Variants in CPNE4 observed in about 807,000 individuals in gnomAD.
CPNE4 encodes copine-4.
In CPNE4, 25 loss-of-function variants were observed where a neutral mutation model predicts 67.9. That is an observed-to-expected ratio of 0.37 (90% CI 0.27 to 0.51). The LOEUF is 0.51. Among genes scored for constraint, CPNE4 ranks in the 20% least tolerant of loss-of-function variants. The probability of loss-of-function intolerance (pLI) is 0.93; values close to 1 mark genes in which losing one functional copy is unlikely to be tolerated. For missense variants in CPNE4, 464 were observed against 690.8 expected (o/e 0.67, Z 3.68); for synonymous variants, 242 against 244.9 (o/e 0.99, Z 0.11).
At chr3:131,670,751 G>T (rs2080389598) in intron 6 of CPNE4, among the ~76,000 whole-genome samples, 1 of 152,114 alleles carries the variant, frequency 6.6e-6, no homozygotes, top group African/African-American at 2.4e-5. Context: ...AAGTTAAATG[G>T]AATTCTGTCA....
At position 131,620,113 on chromosome 3, in the gene CPNE4, C is replaced by T. The variant is rs959374775; in HGVS notation, c.682-32531G>A. Among the ~76,000 whole-genome samples, 3 of 152,158 alleles carry T rather than the reference C, an allele frequency of 2.0e-5. No homozygotes were observed. The East Asian group carries it at 5.8e-4, about 29-fold the overall frequency. The stretch of plus-strand genomic sequence containing the variant: ...CATCCCAGGAGAGTTTTAGCCAGGA[C>T]ACAGCAGCATGCTAGTGTGCTGCTC... On this transcript the variant is annotated intron_variant, in intron 7 of 15. Transcript: ENST00000429747.
At chr3:131,751,983 C>T (rs2082640935) in intron 2 of CPNE4, among the ~76,000 whole-genome samples, 1 of 152,030 alleles carries the variant, frequency 6.6e-6, no homozygotes, top group African/African-American at 2.4e-5. Context: ...TAGGGATGGC[C>T]TCATTACTAC....
chr3:132,027,022 A>T (rs989928066), intron 1 of CPNE4, among the ~76,000 whole-genome samples: 2 of 152,246 alleles, frequency 1.3e-5, no homozygotes, highest in African/African-American at 4.8e-5. Flanking sequence ...ACTGCATTGC[A>T]ACCCTGTGAT....
At chr3:131,872,714 C>G (rs1361758270) in intron 2 of CPNE4, among the ~76,000 whole-genome samples, 1 of 152,136 alleles carries the variant, frequency 6.6e-6, no homozygotes, top group South Asian at 2.1e-4. Context: ...CTGTCTCTCT[C>G]TTTATCTCTC....
At position 131,722,517 on chromosome 3, in the gene CPNE4, CT is replaced by C. The variant is rs1332832517; in HGVS notation, c.360+928del. Among the ~76,000 whole-genome samples, 3 of 146,498 alleles carry C rather than the reference CT, an allele frequency of 2.0e-5. No individual in the cohort carries two copies. In the East Asian group the frequency reaches 6.5e-4, roughly 32 times the overall value. ...TACTTGGAAGTCTCCCCTCCTCTTT[CT>C]TCTGCAATCCCTAGATAATGTTTTT... On this transcript the variant is annotated intron_variant, in intron 3 of 15. Coordinates refer to ENST00000429747, the MANE Select transcript of CPNE4 (RefSeq NM_130808.3).
intron 7 of CPNE4, among the ~76,000 whole-genome samples, chr3:131,639,459 G>A (rs576649465): frequency 2.4e-4 from 37 of 152,144 alleles, no homozygotes; most frequent in African/African-American, 7.9e-4. Context: ...GATTAAACCC[G>A]GATGACATAG....
At chr3:131,877,274 A>G (rs1476342191) in intron 2 of CPNE4, among the ~76,000 whole-genome samples, 1 of 152,140 alleles carries the variant, frequency 6.6e-6, no homozygotes, top group Admixed American at 6.5e-5. Context: ...ATGTCGATAC[A>G]TTTGGCAATT....
In CPNE4 at chr3:131,542,704, G is replaced by C; in HGVS notation, c.1392C>G (p.Pro464=). The part of the protein sequence containing the change: ...REAIVHASHL[P]MSVIIVGVGN... ...CTACTCCCACGATGATGACTGACAT[G>C]GGGAGGTGGGAGGCATGGACAATGG... The change falls in exon 15 of 16, where the codon CCC becomes CCG. Residue 464 remains proline (P), a synonymous_variant. Coordinates refer to ENST00000429747, the MANE Select transcript of CPNE4 (RefSeq NM_130808.3). 6.2e-7 allele frequency: 1 copy of C among 1,613,940 alleles called. No individual in the cohort carries two copies. The highest frequency in any genetic ancestry group is 8.5e-7 in the Non-Finnish European group (1 of 1,179,848).
At chr3:132,010,640 A>G (rs1184732095) in intron 1 of CPNE4, among the ~76,000 whole-genome samples, 1 of 152,096 alleles carries the variant, frequency 6.6e-6, no homozygotes, top group African/African-American at 2.4e-5. Flanking sequence ...CAGGGAGAAA[A>G]GATTGTCGAT....
At chr3:131,902,270 G>A (rs1309859567) in intron 2 of CPNE4, among the ~76,000 whole-genome samples, 1 of 152,058 alleles carries the variant, frequency 6.6e-6, no homozygotes, top group East Asian at 1.9e-4. Flanking sequence ...TGTGGCACAA[G>A]GTTCTTATCA....
chr3:131,637,443 T>A (rs2079418414), intron 7 of CPNE4, among the ~76,000 whole-genome samples: 1 of 152,044 alleles, frequency 6.6e-6, no homozygotes, highest in South Asian at 2.1e-4. Context: ...AAGGAAGAAT[T>A]TCAGAGCTCA....
chr3:131,614,138 A>G (rs975002520), intron 7 of CPNE4, among the ~76,000 whole-genome samples: 18 of 152,186 alleles, frequency 1.2e-4, no homozygotes, highest in African/African-American at 4.1e-4. Context: ...GCAGAGAAAT[A>G]AAAGACAGTG....
At chr3:131,831,165 A>G (rs893546997) in intron 2 of CPNE4, among the ~76,000 whole-genome samples, 1 of 152,116 alleles carries the variant, frequency 6.6e-6, no homozygotes, top group African/African-American at 2.4e-5. Flanking sequence ...TTATGGTGCA[A>G]GAAAAACATT....
intron 1 of CPNE4, among the ~76,000 whole-genome samples, chr3:131,972,364 T>C (rs1357367628): frequency 5.0e-5 from 7 of 138,912 alleles, no homozygotes; most frequent in Non-Finnish European, 8.3e-5. Flanking sequence ...ATCATAGCAC[T>C]TACAAGCAGA....
chr3:131,968,589 C>G (rs868084183), intron 1 of CPNE4, among the ~76,000 whole-genome samples: 10 of 152,108 alleles, frequency 6.6e-5, no homozygotes, highest in South Asian at 2.1e-4. Context: ...ATGCGACCAA[C>G]AAACATTTGA....
intron 1 of CPNE4, among the ~76,000 whole-genome samples, chr3:131,979,521 C>T (rs567223687): frequency 6.6e-6 from 1 of 152,234 alleles, no homozygotes; most frequent in East Asian, 1.9e-4. Context: ...TTTTGGTGTC[C>T]ATTTGCATGA....
intron 2 of CPNE4, among the ~76,000 whole-genome samples, chr3:131,751,019 C>T (rs1390488385): frequency 6.6e-6 from 1 of 152,084 alleles, no homozygotes; most frequent in Non-Finnish European, 1.5e-5. Flanking sequence ...TGCTGTCATT[C>T]AAATTGTTTT....
intron 1 of CPNE4, chr3:132,017,479 T>C (rs973373882): frequency 1.3e-5 from 2 of 152,192 alleles, no homozygotes; most frequent in African/African-American, 4.8e-5. Flanking sequence ...ATCTTCCATT[T>C]TTATATACTT....
intron 2 of CPNE4, among the ~76,000 whole-genome samples, chr3:131,839,130 A>T (rs1583300582): frequency 6.6e-6 from 1 of 151,970 alleles, no homozygotes; most frequent in South Asian, 2.1e-4. Flanking sequence ...TGTAAAAAAA[A>T]ATCTGAGGTG....
Sources: allele counts gnomAD v4.1 joint callset (sites outside exome capture counted in the v4.1 genomes callset), GRCh38; gene constraint gnomAD v4.1.1; transcripts MANE v1.5; gene names NCBI Gene and HGNC (gene_info 2026-07-23, HGNC 2026-07-21).